EDN1: variants seen among roughly 807,000 people sequenced by gnomAD.
EDN1 encodes endothelin 1.
In EDN1, 11 loss-of-function variants were observed where a neutral mutation model predicts 21.7. The observed-to-expected ratio is 0.51, with a 90% CI of 0.32 to 0.84. The LOEUF (loss-of-function observed/expected upper bound fraction) is 0.84. Among genes scored for constraint, EDN1 ranks in the 40% least tolerant of loss-of-function variants. The probability of loss-of-function intolerance (pLI) is 0.03; values close to 1 mark genes in which losing one functional copy is unlikely to be tolerated. For missense variants in EDN1, 244 were observed against 262.3 expected (o/e 0.93, Z 0.48); for synonymous variants, 85 against 90.6 (o/e 0.94, Z 0.35).
chr6:12,238,726 T>C, the EDN1 span, among the ~76,000 whole-genome samples: 1 of 152,188 alleles, frequency 6.6e-6, no homozygotes, highest in Admixed American at 6.5e-5. Context: ...ACCACCATTG[T>C]AGCCACAAAA....
chr6:12,280,527 T>G, the EDN1 span, among the ~76,000 whole-genome samples: 3 of 152,252 alleles, frequency 2.0e-5, no homozygotes, highest in Non-Finnish European at 2.9e-5. Flanking sequence ...GACACTTTAG[T>G]GTGCTGCTTT....
the EDN1 span, among the ~76,000 whole-genome samples, chr6:12,233,506 G>A: frequency 3.9e-5 from 6 of 152,258 alleles, no homozygotes; most frequent in Non-Finnish European, 2.9e-5. Flanking sequence ...AATAATAACT[G>A]CAAATTGGTT....
the EDN1 span, among the ~76,000 whole-genome samples, chr6:12,272,215 A>G: frequency 1.4e-3 from 207 of 152,220 alleles, 1 homozygote; most frequent in South Asian, 8.7e-3. Flanking sequence ...TTTTTTTTCT[A>G]GATAATTCAC....
At chr6:12,284,714 AGAAGGAAAGGAAGGAAGGAAGGAAGG>A in the EDN1 span, among the ~76,000 whole-genome samples, 1 of 145,664 alleles carries the variant, frequency 6.9e-6, no homozygotes, top group African/African-American at 2.6e-5. Context: ...GAAGAAAGAA[AGAAGGAAAGGAAGGAAGGAAGGAAGG>A]AAGGAAGGAA....
the EDN1 span, among the ~76,000 whole-genome samples, chr6:12,279,433 G>A: frequency 4.6e-5 from 7 of 152,178 alleles, no homozygotes; most frequent in Non-Finnish European, 1.0e-4. Context: ...GATGAGCTGG[G>A]AGCCAGAAGA....
chr6:12,256,498 CAA>C, the EDN1 span, among the ~76,000 whole-genome samples: 1 of 152,178 alleles, frequency 6.6e-6, no homozygotes. Context: ...AACCTAATAA[CAA>C]GAGAGAGCAA....
upstream of EDN1, among the ~76,000 whole-genome samples, chr6:12,286,029 A>C (rs1001020604): frequency 2.0e-5 from 3 of 152,350 alleles, no homozygotes; most frequent in Admixed American, 1.3e-4. Context: ...GATAGTAATG[A>C]TATAAAATTT....
chr6:12,238,084 A>C, the EDN1 span, among the ~76,000 whole-genome samples: 2 of 151,186 alleles, frequency 1.3e-5, no homozygotes, highest in East Asian at 3.9e-4. Context: ...AGGCAAGAGA[A>C]TCACTTGAAC....
the EDN1 span, among the ~76,000 whole-genome samples, chr6:12,235,842 C>G: frequency 6.6e-6 from 1 of 152,200 alleles, no homozygotes; most frequent in Non-Finnish European, 1.5e-5. Context: ...TAAATAGCCA[C>G]AAGTGACTGG....
At chr6:12,259,879 GAC>G in the EDN1 span, among the ~76,000 whole-genome samples, 1 of 151,810 alleles carries the variant, frequency 6.6e-6, no homozygotes. Flanking sequence ...AGTAGTGCCT[GAC>G]ACAAATATGC....
chr6:12,241,398 T>C, the EDN1 span, among the ~76,000 whole-genome samples: 2 of 152,034 alleles, frequency 1.3e-5, no homozygotes, highest in African/African-American at 4.8e-5. Context: ...CTTGAACTCC[T>C]GACCTCAGGT....
At chr6:12,286,003 G>T (rs1241041368), upstream of EDN1, among the ~76,000 whole-genome samples, 4 of 152,048 alleles carry the variant, frequency 2.6e-5, no homozygotes, top group Non-Finnish European at 5.9e-5. Flanking sequence ...ATAATTTCAT[G>T]TACATTATTG....
chr6:12,287,704 TCTCTCTCTCACACACA>T (rs970309575), upstream of EDN1, among the ~76,000 whole-genome samples: 2 of 77,112 alleles, frequency 2.6e-5, no homozygotes, highest in African/African-American at 7.8e-5. Flanking sequence ...TCTCTCTCTC[TCTCTCTCTCACACACA>T]CACACACACA....
At chr6:12,270,565 T>C in the EDN1 span, among the ~76,000 whole-genome samples, 1 of 152,174 alleles carries the variant, frequency 6.6e-6, no homozygotes, top group Non-Finnish European at 1.5e-5. Flanking sequence ...GTTTAATTTC[T>C]ATATATTTGT....
At chr6:12,266,193 G>A in the EDN1 span, among the ~76,000 whole-genome samples, 1 of 152,166 alleles carries the variant, frequency 6.6e-6, no homozygotes, top group Non-Finnish European at 1.5e-5. Flanking sequence ...CTCACACTTT[G>A]ATACATGCAA....
Position 12,292,457 on chromosome 6 carries a change from A to G in EDN1, c.181A>G (p.Lys61Glu). ...CTGCTCCTGCTCGTCCCTGATGGAT[A>G]AAGAGTGTGTCTACTTCTGCCACCT... ...KRCSCSSLMD[K>E]ECVYFCHLDI... Residue 61 changes from lysine to glutamate, a missense_variant, in exon 2 of 5, where the codon AAA (lysine) becomes GAA (glutamate). By Grantham distance (56) the Lys-to-Glu change is moderately conservative. Transcript: ENST00000379375. 6.2e-7 allele frequency: 1 copy of G among 1,614,216 alleles called. No homozygotes were observed. Among genetic ancestry groups the G allele is most frequent in the Non-Finnish European group, 8.5e-7 (1 of 1,180,034 alleles).
chr6:12,238,136 C>T, the EDN1 span, among the ~76,000 whole-genome samples: 8 of 147,142 alleles, frequency 5.4e-5, no homozygotes, highest in Admixed American at 2.7e-4. Context: ...GGCGCCACTG[C>T]ACTCCAGCCT....
At chr6:12,239,181 T>C in the EDN1 span, among the ~76,000 whole-genome samples, 1 of 152,224 alleles carries the variant, frequency 6.6e-6, no homozygotes, top group African/African-American at 2.4e-5. Flanking sequence ...GCAGCATTGC[T>C]TGGAGAATGT....
At chr6:12,233,174 A>G in the EDN1 span, among the ~76,000 whole-genome samples, 17 of 152,156 alleles carry the variant, frequency 1.1e-4, no homozygotes, top group Admixed American at 8.5e-4. Flanking sequence ...AGTCCTTTTC[A>G]GCTCTTTTAT....
Sources: allele counts gnomAD v4.1 joint callset (sites outside exome capture counted in the v4.1 genomes callset), GRCh38; gene constraint gnomAD v4.1.1; transcripts MANE v1.5; gene names NCBI Gene and HGNC (gene_info 2026-07-23, HGNC 2026-07-21).